Variants in MAPKAP1 observed in about 807,000 individuals in gnomAD.
MAPKAP1 encodes the protein MAPK associated protein 1.
In MAPKAP1, 20 loss-of-function variants were observed where a neutral mutation model predicts 65.7. The observed-to-expected ratio is 0.30, with a 90% CI of 0.21 to 0.44. The LOEUF is 0.44. Among genes scored for constraint, MAPKAP1 ranks in the 20% least tolerant of loss-of-function variants. MAPKAP1 has a pLI of 1.00. For missense variants in MAPKAP1, 423 were observed against 648.0 expected (o/e 0.65, Z 3.77); for synonymous variants, 222 against 244.3 (o/e 0.91, Z 0.85).
At chr9:125,572,718 G>A (rs761645812) in intron 5 of MAPKAP1, among the ~76,000 whole-genome samples, 4 of 152,068 alleles carry the variant, frequency 2.6e-5, no homozygotes, top group Non-Finnish European at 4.4e-5. Flanking sequence ...ATCCCATATC[G>A]GCTTAGTTCC....
At chr9:125,480,078 G>T (rs1854252374) in intron 9 of MAPKAP1, among the ~76,000 whole-genome samples, 1 of 152,222 alleles carries the variant, frequency 6.6e-6, no homozygotes, top group African/African-American at 2.4e-5. Context: ...GTCTCAGGAA[G>T]AAAGAATTTC....
intron 11 of MAPKAP1, among the ~76,000 whole-genome samples, chr9:125,442,087 C>T (rs1012165415): frequency 1.5e-5 from 2 of 131,438 alleles, no homozygotes; most frequent in African/African-American, 3.0e-5. Flanking sequence ...AGAGATCACA[C>T]GACTACACCC....
intron 4 of MAPKAP1, among the ~76,000 whole-genome samples, chr9:125,632,846 C>T (rs952404017): frequency 1.3e-5 from 2 of 152,198 alleles, no homozygotes; most frequent in African/African-American, 2.4e-5. Context: ...GTCCACCTGA[C>T]CACAATGTGA....
chr9:125,600,217 GA>G (rs58655238), intron 4 of MAPKAP1, among the ~76,000 whole-genome samples: 3,287 of 103,358 alleles, frequency 0.032, 100 homozygotes, highest in African/African-American at 0.098. Context: ...AAGTATGAAG[GA>G]AAAAAAAAAA....
intron 7 of MAPKAP1, chr9:125,521,457 A>C: frequency 8.4e-7 from 1 of 1,189,584 alleles, no homozygotes; most frequent in Non-Finnish European, 1.0e-6. Context: ...TCTGTAAAGA[A>C]ATACAGATGG....
chr9:125,506,319 G>A lies in MAPKAP1; in HGVS notation c.1057C>T (p.Arg353Cys), dbSNP rs749606853. 6.2e-7 allele frequency: 1 copy of A among 1,613,828 alleles called. No individual in the cohort carries two copies. Among genetic ancestry groups the A allele is most frequent in the East Asian group, 2.2e-5 (1 of 44,880 alleles). The change falls in exon 8 of 12, where the codon CGC (arginine) becomes TGC (cysteine). Residue 353 changes from arginine to cysteine, a missense_variant. Around this residue, in one of 6 missense-constraint regions of MAPKAP1, gnomAD observed 185 missense variants for 268.1 expected, o/e 0.69. Coordinates refer to ENST00000265960, the MANE Select transcript of MAPKAP1 (RefSeq NM_001006617.3). ...GAGGCGGCCAACGTACTGTTCTCGC[G>A]GACCAGGCAGAACTCCCATGCGCTC... ...SQSAWEFCLV[R>C]ENSSRADGVF...
At chr9:125,443,845 T>A (rs1055501577) in intron 11 of MAPKAP1, among the ~76,000 whole-genome samples, 12 of 152,174 alleles carry the variant, frequency 7.9e-5, no homozygotes, top group African/African-American at 2.9e-4. Context: ...TCTCCCTGCC[T>A]CCATACCTCC....
chr9:125,699,210 C>CT (rs886998557), intron 1 of MAPKAP1, among the ~76,000 whole-genome samples: 8 of 151,650 alleles, frequency 5.3e-5, no homozygotes, highest in African/African-American at 1.9e-4. Context: ...TTTATACTAA[C>CT]TTTTTTTTTC....
intron 4 of MAPKAP1, among the ~76,000 whole-genome samples, chr9:125,586,207 C>T (rs517064): frequency 0.51 from 77,495 of 151,968 alleles, 20,486 homozygotes; most frequent in East Asian, 0.67. Context: ...GCTAGTTCCA[C>T]TAGGCAGTAC....
chr9:125,523,000 A>G (rs1329050304), intron 7 of MAPKAP1, among the ~76,000 whole-genome samples: 1 of 152,112 alleles, frequency 6.6e-6, no homozygotes, highest in Non-Finnish European at 1.5e-5. Flanking sequence ...ACCCCATGAT[A>G]TCAGGCCCAA....
chr9:125,474,254 C>T (rs1854026556), intron 9 of MAPKAP1, among the ~76,000 whole-genome samples: 1 of 152,128 alleles, frequency 6.6e-6, no homozygotes, highest in Non-Finnish European at 1.5e-5. Context: ...TGCCTTCATC[C>T]CCACAAATCC....
intron 8 of MAPKAP1, among the ~76,000 whole-genome samples, chr9:125,485,392 T>C (rs1589228579): frequency 6.6e-6 from 1 of 152,244 alleles, no homozygotes; most frequent in East Asian, 1.9e-4. Context: ...CTCTGATATG[T>C]GACACTGGAG....
chr9:125,592,505 G>A (rs1831993892), intron 4 of MAPKAP1, among the ~76,000 whole-genome samples: 2 of 152,164 alleles, frequency 1.3e-5, no homozygotes, highest in South Asian at 4.1e-4. Flanking sequence ...GAGATAAAAA[G>A]AATAAGAGTA....
chr9:125,503,844 G>A (rs1415494661), intron 8 of MAPKAP1, among the ~76,000 whole-genome samples: 1 of 137,324 alleles, frequency 7.3e-6, no homozygotes, highest in Non-Finnish European at 1.5e-5. Flanking sequence ...AGCCTCCCGA[G>A]TAGCTGGGAT....
intron 10 of MAPKAP1, among the ~76,000 whole-genome samples, chr9:125,450,574 G>A (rs965837940): frequency 6.6e-6 from 1 of 152,164 alleles, no homozygotes; most frequent in African/African-American, 2.4e-5. Flanking sequence ...TCTCTGTTGG[G>A]CTTCTGGGTT....
chr9:125,484,715 C>T (rs1854436891), intron 8 of MAPKAP1, 132 bp from the exon 9 acceptor site: 3 of 775,686 alleles, frequency 3.9e-6, no homozygotes, highest in Non-Finnish European at 5.8e-6. Flanking sequence ...TGAGCGATGA[C>T]TTAATAATGC....
chr9:125,619,929 C>T (rs970664173), intron 4 of MAPKAP1, among the ~76,000 whole-genome samples: 1 of 152,162 alleles, frequency 6.6e-6, no homozygotes, highest in Non-Finnish European at 1.5e-5. Context: ...GAATCCAACA[C>T]ATCTGAGCAG....
chr9:125,589,220 T>C (rs1589317040), intron 4 of MAPKAP1, among the ~76,000 whole-genome samples: 1 of 152,302 alleles, frequency 6.6e-6, no homozygotes, highest in East Asian at 1.9e-4. Flanking sequence ...CTGTTAACAC[T>C]CCTTTTGCAG....
intron 9 of MAPKAP1, among the ~76,000 whole-genome samples, chr9:125,484,043 A>G (rs1488385988): frequency 6.6e-6 from 1 of 152,224 alleles, no homozygotes; most frequent in East Asian, 1.9e-4. Flanking sequence ...ATACCTTCTG[A>G]GACATTAAAA....
Sources: gnomAD v4.1 joint callset for allele counts (sites outside exome capture counted in the v4.1 genomes callset) on GRCh38, gnomAD v4.1.1 for gene constraint, gnomAD v4.1.1 regional missense constraint, MANE v1.5 for transcripts, NCBI Gene and HGNC (gene_info 2026-07-23, HGNC 2026-07-21) for gene names.